AMMECR1: variants seen among roughly 807,000 people sequenced by gnomAD.
AMMECR1 encodes nuclear protein AMMECR1.
In AMMECR1, 3 loss-of-function variants were observed where a neutral mutation model predicts 22.5. The ratio of observed to expected loss-of-function variants is 0.13; its 90% CI spans 0.06 to 0.35. AMMECR1 has a LOEUF of 0.35. AMMECR1 is among the 10% of genes least tolerant of loss of function. AMMECR1 has a pLI of 1.00. For missense variants in AMMECR1, 235 were observed against 278.7 expected, an observed-to-expected ratio of 0.84 and a Z score of 1.12; for synonymous variants, 130 against 116.7, an observed-to-expected ratio of 1.11 and a Z score of -0.74.
At chrX:110,415,631 G>C (rs2068672117) in intron 2 of AMMECR1, among the ~76,000 whole-genome samples, 1 of 111,221 alleles carries the variant, frequency 9.0e-6, no homozygotes, top group African/African-American at 3.3e-5. Context: ...TGCATGGTCA[G>C]GAATCTTGCC....
intron 2 of AMMECR1, among the ~76,000 whole-genome samples, chrX:110,379,114 T>C (rs1225498694): frequency 2.7e-5 from 3 of 112,117 alleles, no homozygotes; most frequent in Non-Finnish European, 5.6e-5. Flanking sequence ...TCTTTCATGA[T>C]ACTCGTTATC....
At chrX:110,399,585 GT>G (rs2068550672) in intron 2 of AMMECR1, among the ~76,000 whole-genome samples, 1 of 112,552 alleles carries the variant, frequency 8.9e-6, no homozygotes, top group African/African-American at 3.2e-5. Context: ...CATATTAGAT[GT>G]GATACAAATT....
intron 1 of AMMECR1, among the ~76,000 whole-genome samples, chrX:110,433,377 TC>T (rs2148333433): frequency 8.9e-6 from 1 of 111,804 alleles, no homozygotes; most frequent in African/African-American, 3.2e-5. Context: ...CAGTCTGTTG[TC>T]AGTGACAATG....
At chrX:110,372,255 A>G (rs911990111) in intron 2 of AMMECR1, among the ~76,000 whole-genome samples, 1 of 112,648 alleles carries the variant, frequency 8.9e-6, no homozygotes, top group Admixed American at 9.4e-5. Context: ...AAAATCAAGG[A>G]AGGAGGATAT....
chrX:110,413,632 C>A (rs750808116), intron 2 of AMMECR1, among the ~76,000 whole-genome samples: 30 of 107,691 alleles, frequency 2.8e-4, no homozygotes, highest in Non-Finnish European at 5.8e-4. Context: ...ATGTACAGGA[C>A]ACACTCTCAT....
intron 2 of AMMECR1, among the ~76,000 whole-genome samples, chrX:110,363,230 T>C (rs1271218573): frequency 9.0e-6 from 1 of 110,945 alleles, no homozygotes; most frequent in East Asian, 2.8e-4. Flanking sequence ...TACAAACAGG[T>C]GGGTGAGAAA....
At chrX:110,403,403 A>T (rs2068577614) in intron 2 of AMMECR1, among the ~76,000 whole-genome samples, 1 of 112,558 alleles carries the variant, frequency 8.9e-6, no homozygotes, top group Non-Finnish European at 1.9e-5. Flanking sequence ...CCTGAGGAGC[A>T]GCAAGGAGCT....
At chrX:110,270,431 T>C (rs1288282573) in intron 1 of AMMECR1, among the ~76,000 whole-genome samples, 2 of 111,640 alleles carry the variant, frequency 1.8e-5, no homozygotes, top group East Asian at 2.8e-4. Context: ...TGTTAGAACC[T>C]GGCAAGTCCT....
intron 2 of AMMECR1, among the ~76,000 whole-genome samples, chrX:110,247,148 C>T (rs976636434): frequency 5.8e-4 from 65 of 112,414 alleles, no homozygotes; most frequent in African/African-American, 1.8e-3. Flanking sequence ...GCCATTTTGC[C>T]ATGATCAGGT....
rs150183498 is a variant in AMMECR1, at chrX:110,368,711, A to G, written c.-147-50862T>C. 7.5e-3 allele frequency among the ~76,000 whole-genome samples: 848 copies of G among 112,322 alleles called. 3 individuals carry two copies. The highest frequency in any genetic ancestry group is 0.012 in the Non-Finnish European group (653 of 53,280). On this transcript the variant is annotated intron_variant, in intron 2 of 7. Coordinates refer to the AMMECR1 transcript ENST00000372057. ...TTGTTTACTGTCTATCTTCACCACT[A>G]GAATATAAGCTTCAGGAAGGCAGGG...
At chrX:110,438,150 A>G (rs370065356) in intron 1 of AMMECR1, among the ~76,000 whole-genome samples, 9 of 111,231 alleles carry the variant, frequency 8.1e-5, no homozygotes, top group African/African-American at 2.6e-4. Flanking sequence ...ACCTAGAATG[A>G]TTTCATGTTC....
chrX:110,413,690 C>T (rs1464117760), intron 2 of AMMECR1, among the ~76,000 whole-genome samples: 1 of 110,335 alleles, frequency 9.1e-6, no homozygotes, highest in Non-Finnish European at 1.9e-5. Context: ...CTACCATCTA[C>T]ACCTTGCTGG....
At chrX:110,331,240 T>C (rs1359434963) in intron 2 of AMMECR1, among the ~76,000 whole-genome samples, 2 of 108,722 alleles carry the variant, frequency 1.8e-5, no homozygotes, top group Non-Finnish European at 3.8e-5. Flanking sequence ...TTTATTGCCA[T>C]CAATTTACTC....
chrX:110,341,654 A>G (rs1047077550), intron 2 of AMMECR1, among the ~76,000 whole-genome samples: 2 of 112,321 alleles, frequency 1.8e-5, no homozygotes, highest in Non-Finnish European at 3.8e-5. Context: ...CTGTTGTGGT[A>G]TCACAGTGCT....
At chrX:110,421,914 A>T (rs1353588698) in intron 2 of AMMECR1, among the ~76,000 whole-genome samples, 1 of 112,837 alleles carries the variant, frequency 8.9e-6, no homozygotes, top group Non-Finnish European at 1.9e-5. Context: ...GCCAAATCCC[A>T]ATGGCCATGG....
chrX:110,378,481 T>C (rs2068394744), intron 2 of AMMECR1, among the ~76,000 whole-genome samples: 1 of 112,058 alleles, frequency 8.9e-6, no homozygotes, highest in Non-Finnish European at 1.9e-5. Context: ...GTTTCCCTTT[T>C]GCCTAATGAG....
intron 2 of AMMECR1, among the ~76,000 whole-genome samples, chrX:110,222,886 T>A (rs1188480312): frequency 9.0e-6 from 1 of 111,588 alleles, no homozygotes; most frequent in Non-Finnish European, 1.9e-5. Flanking sequence ...CCTATGAGAT[T>A]CACTTAGGCT....
intron 2 of AMMECR1, among the ~76,000 whole-genome samples, chrX:110,222,738 TAGAA>T (rs2067510731): frequency 9.2e-6 from 1 of 108,998 alleles, no homozygotes. Context: ...GGGGGACACT[TAGAA>T]AGGGCTCAAA....
At chrX:110,274,908 C>T (rs1268867164) in intron 1 of AMMECR1, among the ~76,000 whole-genome samples, 1 of 111,586 alleles carries the variant, frequency 9.0e-6, no homozygotes, top group East Asian at 2.8e-4. Context: ...TGTATCGATG[C>T]ATCTTTATCT....
Sources: allele counts gnomAD v4.1 joint callset (sites outside exome capture counted in the v4.1 genomes callset), GRCh38; gene constraint gnomAD v4.1.1; transcripts MANE v1.5; gene names NCBI Gene and HGNC (gene_info 2026-07-23, HGNC 2026-07-21).